Variants in SLC67A2 observed in about 807,000 individuals in gnomAD.
SLC67A2 encodes solute carrier family 67 member A2.
At chr2:102,723,943 T>C in the SLC67A2 span, 3 of 1,546,090 alleles carry the variant, frequency 1.9e-6, no homozygotes, top group South Asian at 2.2e-5. Context: ...TCTGTAACTT[T>C]TTCCAGACCA....
chr2:102,732,460 T>C, the SLC67A2 span: 1 of 1,423,332 alleles, frequency 7.0e-7, no homozygotes, highest in Non-Finnish European at 9.6e-7. Flanking sequence ...TTCAAACTAG[T>C]AAACCTAAAA....
chr2:102,736,862 G>T, the SLC67A2 span: 6 of 1,543,486 alleles, frequency 3.9e-6, no homozygotes, highest in Non-Finnish European at 5.2e-6. Flanking sequence ...CCTACCCCGG[G>T]AGCCCAGCCC....
At chr2:102,731,215 T>C in the SLC67A2 span, 1 of 578,588 alleles carries the variant, frequency 1.7e-6, no homozygotes, top group East Asian at 3.0e-5. Context: ...TTTTTTTTTC[T>C]ACTTGGAAAA....
At chr2:102,723,298 C>T in the SLC67A2 span, among the ~76,000 whole-genome samples, 15 of 152,070 alleles carry the variant, frequency 9.9e-5, no homozygotes, top group East Asian at 1.9e-4. Flanking sequence ...GAAGAAACCC[C>T]GTCTCTACTA....
At chr2:102,718,902 C>A in the SLC67A2 span, 1 of 1,614,224 alleles carries the variant, frequency 6.2e-7, no homozygotes, top group Non-Finnish European at 8.5e-7. Flanking sequence ...GGCCGCACCC[C>A]AAAGCGCTCC....
the SLC67A2 span, chr2:102,732,449 T>G: frequency 6.7e-7 from 1 of 1,503,160 alleles, no homozygotes; most frequent in Non-Finnish European, 9.1e-7. Context: ...AATTAGTATT[T>G]TTCAAACTAG....
At chr2:102,735,443 C>G in the SLC67A2 span, among the ~76,000 whole-genome samples, 1 of 152,194 alleles carries the variant, frequency 6.6e-6, no homozygotes, top group Non-Finnish European at 1.5e-5. Flanking sequence ...TGGTCTTGAT[C>G]TGCATCTGGG....
the SLC67A2 span, among the ~76,000 whole-genome samples, chr2:102,728,519 A>G: frequency 6.6e-6 from 1 of 152,208 alleles, no homozygotes; most frequent in Non-Finnish European, 1.5e-5. Context: ...TCTATAAAAT[A>G]TTTTTAAGGT....
the SLC67A2 span, chr2:102,718,261 G>T: frequency 1.3e-6 from 1 of 782,190 alleles, no homozygotes; most frequent in Non-Finnish European, 2.0e-6. Context: ...TGCAGGCATG[G>T]CTGCATGGCC....
At chr2:102,718,207 CCA>C in the SLC67A2 span, 11 of 579,942 alleles carry the variant, frequency 1.9e-5, no homozygotes, top group East Asian at 3.3e-4. Context: ...AAGCTTTGCT[CCA>C]GTCTTAACCT....
the SLC67A2 span, among the ~76,000 whole-genome samples, chr2:102,735,877 C>T: frequency 2.6e-5 from 4 of 151,162 alleles, no homozygotes; most frequent in Admixed American, 6.6e-5. Context: ...CACGATGAAA[C>T]CAAACCGCCA....
At chr2:102,718,948 G>C in the SLC67A2 span, 3 of 1,614,260 alleles carry the variant, frequency 1.9e-6, no homozygotes, top group Non-Finnish European at 2.5e-6. Context: ...AGTACAGCAT[G>C]ACTGCCATGG....
At chr2:102,716,292 A>C in the SLC67A2 span, 1 of 152,240 alleles carries the variant, frequency 6.6e-6, no homozygotes, top group Non-Finnish European at 1.5e-5. Flanking sequence ...CACGACTATA[A>C]GGGCTTTTAA....
chr2:102,715,897 T>C, the SLC67A2 span: 1 of 152,150 alleles, frequency 6.6e-6, no homozygotes, highest in Non-Finnish European at 1.5e-5. Context: ...ATACAAATAC[T>C]ACCCCTTAGA....
At chr2:102,725,707 G>C in the SLC67A2 span, among the ~76,000 whole-genome samples, 1 of 65,456 alleles carries the variant, frequency 1.5e-5, no homozygotes, top group Admixed American at 1.5e-4. Context: ...GGTTAAGAAT[G>C]TTGGGGGGGC....
At chr2:102,716,802 T>G in the SLC67A2 span, 1 of 152,250 alleles carries the variant, frequency 6.6e-6, no homozygotes, top group East Asian at 1.9e-4. Flanking sequence ...TTCAACTGTC[T>G]GACAGGAAGC....
the SLC67A2 span, chr2:102,723,879 C>T: frequency 1.2e-6 from 2 of 1,614,010 alleles, no homozygotes; most frequent in East Asian, 2.2e-5. Flanking sequence ...AAGTAGAGCC[C>T]TTGAGATGGA....
the SLC67A2 span, among the ~76,000 whole-genome samples, chr2:102,725,773 T>C: frequency 6.6e-6 from 1 of 152,134 alleles, no homozygotes; most frequent in Admixed American, 6.5e-5. Flanking sequence ...ACAGAAATGG[T>C]GTGGAAATCC....
chr2:102,727,309 C>G, the SLC67A2 span, among the ~76,000 whole-genome samples: 1 of 152,106 alleles, frequency 6.6e-6, no homozygotes, highest in African/African-American at 2.4e-5. Context: ...TAAAACTACA[C>G]TCTTCAGATA....
Sources: gnomAD v4.1 joint callset for allele counts (sites outside exome capture counted in the v4.1 genomes callset) on GRCh38, gnomAD v4.1.1 for gene constraint, MANE v1.5 for transcripts, NCBI Gene and HGNC (gene_info 2026-07-23, HGNC 2026-07-21) for gene names.